The following RPH3A variants were observed in gnomAD, a reference collection of about 807,000 sequenced individuals.
RPH3A encodes the protein rabphilin-3A.
In RPH3A, 48 loss-of-function variants were observed where a neutral mutation model predicts 102.2. The observed-to-expected ratio is 0.47, with a 90% CI of 0.37 to 0.60. RPH3A has a LOEUF of 0.60. Ranked by LOEUF, RPH3A falls within the 20% of genes least tolerant of loss-of-function variation. The pLI, the probability that RPH3A is intolerant of heterozygous loss-of-function variation, is 0.00. For missense variants in RPH3A, 781 were observed against 910.1 expected (o/e 0.86, Z 1.83); for synonymous variants, 310 against 324.3 (o/e 0.96, Z 0.47).
chr12:112,624,515 G>C (rs1220763272), intron 1 of RPH3A, among the ~76,000 whole-genome samples: 319 of 133,500 alleles, frequency 2.4e-3, no homozygotes, highest in Middle Eastern at 3.8e-3. Flanking sequence ...GGAAGAAGTT[G>C]AATCTCTGAA....
intron 10 of RPH3A, among the ~76,000 whole-genome samples, chr12:112,871,702 G>GTATA (rs3038113): frequency 9.4e-5 from 14 of 148,774 alleles, no homozygotes; most frequent in African/African-American, 3.2e-4. Flanking sequence ...TTTATATAGT[G>GTATA]TATATATATA....
intron 1 of RPH3A, among the ~76,000 whole-genome samples, chr12:112,637,777 C>G (rs2039858611): frequency 6.6e-6 from 1 of 152,104 alleles, no homozygotes; most frequent in Admixed American, 6.6e-5. Flanking sequence ...CCATCATCAA[C>G]AGCAAGAGCA....
intron 1 of RPH3A, among the ~76,000 whole-genome samples, chr12:112,708,133 A>G (rs1036790221): frequency 9.2e-5 from 14 of 152,214 alleles, no homozygotes; most frequent in African/African-American, 3.4e-4. Context: ...TTGGGCTCCT[A>G]ACATCTATAG....
chr12:112,586,005 G>C (rs540333734), intron 1 of RPH3A, among the ~76,000 whole-genome samples: 4 of 152,270 alleles, frequency 2.6e-5, no homozygotes. Context: ...CTCAAGGTAA[G>C]TCTGATGCTG....
At chr12:112,819,608 C>T (rs10774663) in intron 2 of RPH3A, among the ~76,000 whole-genome samples, 1 of 152,124 alleles carries the variant, frequency 6.6e-6, no homozygotes, top group Non-Finnish European at 1.5e-5. Context: ...GAACAACAAC[C>T]ATTTATTTAC....
Position 112,597,126 on chromosome 12 carries a change from C to A in RPH3A, c.-140+21807C>A, listed in dbSNP as rs559017097. Among the ~76,000 whole-genome samples, 5 of 152,290 alleles carry A rather than the reference C, an allele frequency of 3.3e-5. No homozygotes were observed. In the South Asian group the frequency reaches 8.3e-4, roughly 25 times the overall value. Reference sequence around the variant, plus strand: ...TAAAATCATAGGAAAAAGCTTGGAACTGTACACACCAAACTGACACAGTGG... The same window carrying A: ...TAAAATCATAGGAAAAAGCTTGGAAATGTACACACCAAACTGACACAGTGG... On this transcript the variant is annotated intron_variant, in intron 1 of 21. Coordinates refer to the RPH3A transcript ENST00000543106.
chr12:112,617,968 C>T (rs1451242073), intron 1 of RPH3A: 1 of 152,220 alleles, frequency 6.6e-6, no homozygotes, highest in East Asian at 1.9e-4. Flanking sequence ...TCTTCTCCTT[C>T]CTTGATGTCA....
rs1257398893 is a variant in RPH3A, at chr12:112,836,517, A to G, written c.83+15A>G. On this transcript the variant is annotated intron_variant, in intron 4 of 21. Coordinates refer to ENST00000389385, the MANE Select transcript of RPH3A (RefSeq NM_001143854.2). ...GATAAAGAACAGTGAGTATTTTATA[A>G]CACTTATTTATTTATTTTTTACAAA... 1 of 1,267,068 alleles carries G rather than the reference A, an allele frequency of 7.9e-7. No individual in the cohort carries two copies. The highest frequency in any genetic ancestry group is 2.3e-5 in the Admixed American group (1 of 43,518). 78.5% of individuals were successfully genotyped at this position (1,267,068 alleles called of 1,614,324 possible). A position where few individuals can be genotyped will look rare whatever the true frequency, so the allele number is the denominator to read the frequency against.
intron 1 of RPH3A, among the ~76,000 whole-genome samples, chr12:112,653,700 A>G (rs1268818582): frequency 2.0e-5 from 3 of 152,184 alleles, no homozygotes; most frequent in Non-Finnish European, 2.9e-5. Context: ...AACTCGTGTC[A>G]TGGGGGTTTG....
intron 5 of RPH3A, 30 bp from the exon 6 acceptor site, chr12:112,865,384 G>C (rs1249711928): frequency 1.2e-6 from 2 of 1,611,350 alleles, no homozygotes; most frequent in Non-Finnish European, 8.5e-7. Flanking sequence ...AGTCCTACAA[G>C]GTCCTTATTT....
chr12:112,786,304 T>C (rs1872632144), intron 1 of RPH3A, among the ~76,000 whole-genome samples: 1 of 152,228 alleles, frequency 6.6e-6, no homozygotes, highest in South Asian at 2.1e-4. Context: ...GACTGCCCTT[T>C]TCCTTGTGGG....
chr12:112,804,688 AG>A (rs1412952539), intron 2 of RPH3A, among the ~76,000 whole-genome samples: 2 of 152,130 alleles, frequency 1.3e-5, no homozygotes, highest in Non-Finnish European at 2.9e-5. Context: ...TGATTACCAC[AG>A]CCCCCCGTAC....
chr12:112,869,451 C>A (rs2042667230), intron 8 of RPH3A: 1 of 322,522 alleles, frequency 3.1e-6, no homozygotes, highest in South Asian at 6.2e-5. Flanking sequence ...TATATTGCAT[C>A]CCTGAGGAGT....
intron 1 of RPH3A, among the ~76,000 whole-genome samples, chr12:112,575,989 G>A (rs2039356651): frequency 6.6e-6 from 1 of 152,162 alleles, no homozygotes; most frequent in Non-Finnish European, 1.5e-5. Flanking sequence ...TGCACACAGG[G>A]CCAGAGGGAT....
intron 1 of RPH3A, among the ~76,000 whole-genome samples, chr12:112,713,228 G>T (rs2040492696): frequency 6.6e-6 from 1 of 151,620 alleles, no homozygotes; most frequent in South Asian, 2.1e-4. Flanking sequence ...CACCATGCCT[G>T]ACATGTATTT....
At chr12:112,604,084 A>T (rs2039577233) in intron 1 of RPH3A, among the ~76,000 whole-genome samples, 1 of 152,238 alleles carries the variant, frequency 6.6e-6, no homozygotes, top group African/African-American at 2.4e-5. Flanking sequence ...CCATTGAGGT[A>T]ATCAATCTTT....
rs189355646 is a variant in RPH3A at position 112,680,532 on chromosome 12, G to A, written c.-140+105213G>A. Among the ~76,000 whole-genome samples, 173 of 152,254 alleles carry A rather than the reference G, an allele frequency of 1.1e-3. 1 individual carries two copies. The highest frequency in any genetic ancestry group is 1.9e-3 in the Non-Finnish European group (126 of 68,020). On this transcript the variant is annotated intron_variant, in intron 1 of 21. Transcript: ENST00000543106. ...CAAGTTACCTGCCCAAGGTCACACAGCTTGAAAGCAGTAGAGCTGGCATTT... is the reference window on the plus strand; with the variant it reads ...CAAGTTACCTGCCCAAGGTCACACAACTTGAAAGCAGTAGAGCTGGCATTT...
intron 1 of RPH3A, among the ~76,000 whole-genome samples, chr12:112,615,905 T>C (rs2039675301): frequency 6.6e-6 from 1 of 152,190 alleles, no homozygotes; most frequent in African/African-American, 2.4e-5. Flanking sequence ...TGGCAGCTAG[T>C]AAGTGCTCAA....
intron 1 of RPH3A, among the ~76,000 whole-genome samples, chr12:112,785,676 C>A (rs1242830658): frequency 6.6e-6 from 1 of 152,172 alleles, no homozygotes; most frequent in East Asian, 1.9e-4. Context: ...GAAGTGCTAT[C>A]ATTTGCTTTG....
Sources: gnomAD v4.1 joint callset for allele counts (sites outside exome capture counted in the v4.1 genomes callset) on GRCh38, gnomAD v4.1.1 for gene constraint, MANE v1.5 for transcripts, NCBI Gene and HGNC (gene_info 2026-07-23, HGNC 2026-07-21) for gene names.